RAP1GAP2: variants seen among roughly 807,000 people sequenced by gnomAD.
The protein encoded by RAP1GAP2 is RAP1 GTPase activating protein 2, also known as rap1 GTPase-activating protein 2.
Under a neutral mutation model 95.0 loss-of-function variants are expected in RAP1GAP2, and 27 were observed. That is an observed-to-expected ratio of 0.28 (90% confidence interval 0.21 to 0.39). The LOEUF is 0.39. Ranked by LOEUF, RAP1GAP2 falls within the 10% of genes least tolerant of loss-of-function variation. The probability of loss-of-function intolerance (pLI) is 1.00; values close to 1 mark genes in which losing one functional copy is unlikely to be tolerated. For missense variants in RAP1GAP2, 771 were observed against 970.0 expected (o/e 0.79, Z 2.72); for synonymous variants, 373 against 380.9 (o/e 0.98, Z 0.24).
Position 3,035,118 on chromosome 17 carries a change from T to A in RAP1GAP2, c.*1757T>A, listed in dbSNP as rs66460547. 1 of 152,422 alleles carries A rather than the reference T, an allele frequency of 6.6e-6. No individual in the cohort carries two copies. The highest frequency in any genetic ancestry group is 1.5e-5 in the Non-Finnish European group (1 of 68,010). 9.4% of individuals were successfully genotyped at this position (152,422 alleles called of 1,614,324 possible). A position where few individuals can be genotyped will look rare whatever the true frequency, so the allele number is the denominator to read the frequency against. On this transcript the variant is annotated 3_prime_UTR_variant, in exon 25 of 25. Transcript: ENST00000254695. The surrounding 1 kb of genome is among the most constrained non-coding windows in gnomAD (Gnocchi z 4.3). Reference sequence around the variant, plus strand: ...GCAAGCTGGAGAGGAGCTCTCCCTTTGCTAGTACTTTCTCTAAAGTACTAG... The same window carrying A: ...GCAAGCTGGAGAGGAGCTCTCCCTTAGCTAGTACTTTCTCTAAAGTACTAG...
intron 1 of RAP1GAP2, among the ~76,000 whole-genome samples, chr17:2,766,404 C>CA (rs1007468860): frequency 9.1e-4 from 138 of 152,170 alleles, no homozygotes; most frequent in African/African-American, 3.2e-3. Flanking sequence ...TTTGGGAGGC[C>CA]AGGTGGGCGA....
At chr17:2,898,453 T>C (rs1322475326) in intron 2 of RAP1GAP2, among the ~76,000 whole-genome samples, 1 of 152,196 alleles carries the variant, frequency 6.6e-6, no homozygotes, top group African/African-American at 2.4e-5. Flanking sequence ...GCTCATGCCC[T>C]TTCTCCCTTC....
At chr17:2,844,347 G>C (rs904108918) in intron 2 of RAP1GAP2, among the ~76,000 whole-genome samples, 3 of 152,150 alleles carry the variant, frequency 2.0e-5, no homozygotes, top group Non-Finnish European at 4.4e-5. Context: ...AAGCTGCTTT[G>C]GGACTTGGAG....
intron 2 of RAP1GAP2, among the ~76,000 whole-genome samples, chr17:2,849,283 C>T (rs1361788928): frequency 6.6e-6 from 1 of 152,134 alleles, no homozygotes; most frequent in Non-Finnish European, 1.5e-5. Flanking sequence ...TCGCCCCCAC[C>T]CACCCCCAAT....
At chr17:2,999,182 C>T (rs921704925) in intron 14 of RAP1GAP2, among the ~76,000 whole-genome samples, 9 of 152,272 alleles carry the variant, frequency 5.9e-5, no homozygotes, top group Admixed American at 1.3e-4. Context: ...TGCAGTCCCC[C>T]GCTCCCCACT....
intron 17 of RAP1GAP2, among the ~76,000 whole-genome samples, chr17:3,016,167 C>T (rs73298992): frequency 0.1 from 15,386 of 152,288 alleles, 877 homozygotes; most frequent in Middle Eastern, 0.15. Context: ...AGGCTTGGCC[C>T]CTCGTGGCCC....
chr17:2,764,004 C>T (rs940792780), intron 1 of RAP1GAP2, among the ~76,000 whole-genome samples: 5 of 151,880 alleles, frequency 3.3e-5, no homozygotes, highest in East Asian at 1.9e-4. Flanking sequence ...CTGGGTCTCA[C>T]GTCCTCATCT....
rs141786552 is a variant in RAP1GAP2 at position 2,929,189 on chromosome 17, C to T, written c.165+23821C>T. Among the ~76,000 whole-genome samples, 61 of 152,274 alleles carry T rather than the reference C, an allele frequency of 4.0e-4. No individual in the cohort carries two copies. In the East Asian group the frequency reaches 8.9e-3, roughly 22 times the overall value. ...TTGAGGCTGCAGTGAACCATGATCG[C>T]GCCACTGTACTCCAGCCTGGGCGAC... On this transcript the variant is annotated intron_variant, in intron 3 of 24. Transcript: ENST00000254695.
At chr17:2,821,398 C>G in intron 2 of RAP1GAP2, among the ~76,000 whole-genome samples, 1 of 122,948 alleles carries the variant, frequency 8.1e-6, no homozygotes. Flanking sequence ...TTTTTTGAGA[C>G]GGAGTCTCGC....
At chr17:2,909,161 G>T (rs2042290468) in intron 3 of RAP1GAP2, among the ~76,000 whole-genome samples, 1 of 152,156 alleles carries the variant, frequency 6.6e-6, no homozygotes, top group Non-Finnish European at 1.5e-5. Flanking sequence ...AGGAAGAGAG[G>T]TTCCTGAGGC....
chr17:2,880,279 G>C (rs2073237866), intron 2 of RAP1GAP2, among the ~76,000 whole-genome samples: 1 of 151,196 alleles, frequency 6.6e-6, no homozygotes, highest in South Asian at 2.1e-4. Context: ...GAACCCACAG[G>C]CTGTGTAGAC....
rs367637173 is a variant in RAP1GAP2 at position 2,844,559 on chromosome 17, GT to G, written c.80+44012del. Among the ~76,000 whole-genome samples, 386 of 152,336 alleles carry G rather than the reference GT, an allele frequency of 2.5e-3. 1 individual carries two copies. The highest frequency in any genetic ancestry group is 8.9e-3 in the African/African-American group (372 of 41,578). On this transcript the variant is annotated intron_variant, in intron 2 of 24. Transcript: ENST00000254695. The stretch of plus-strand genomic sequence containing the variant: ...CAGACCTGCAGTTGCTCAGCAGGAG[GT>G]TTGGAGCTCAGCTCCCGGCTGGGTG...
chr17:2,797,066 C>T lies in RAP1GAP2; in HGVS notation c.44+495C>T, dbSNP rs986083774. On this transcript the variant is annotated intron_variant, in intron 1 of 24. Coordinates refer to ENST00000254695, the MANE Select transcript of RAP1GAP2 (RefSeq NM_015085.5). This position sits in a 1 kb window ranked among gnomAD's most constrained non-coding sequence, Gnocchi z 5.6. ...CTGTGTCTGTGTGTGCTTGTGTCTG[C>T]GTGTTTGTGTGTGTGATGCTCCTGT... 4.0e-5 allele frequency among the ~76,000 whole-genome samples: 6 copies of T among 151,866 alleles called. No individual in the cohort carries two copies. Among genetic ancestry groups the T allele is most frequent in the South Asian group, 2.1e-4 (1 of 4,812 alleles).
rs1382552351 is a variant in RAP1GAP2 at position 2,866,430 on chromosome 17, A to C, written c.81-38854A>C. Reference sequence around the variant, plus strand: ...TCAGGGCAGTTGGTACCCCAGTTAGAATACAAAAACAGAGTCAGTCAGTGT... The same window carrying C: ...TCAGGGCAGTTGGTACCCCAGTTAGCATACAAAAACAGAGTCAGTCAGTGT... On this transcript the variant is annotated intron_variant, in intron 2 of 24. Transcript: ENST00000254695. This position sits in a 1 kb window ranked among gnomAD's most constrained non-coding sequence, Gnocchi z 4.0. Among the ~76,000 whole-genome samples the C allele has an allele frequency of 1.3e-5, 2 of 152,166 alleles. No individual in the cohort carries two copies. The highest frequency in any genetic ancestry group is 2.9e-5 in the Non-Finnish European group (2 of 68,032).
rs139487909 is a variant in RAP1GAP2, at chr17:2,963,168, G to C, written c.247-262G>C. ...CGGAATGAGCGTTCTAGGATGAGAA[G>C]CTGGTATCACGAGGGGTGAGAAGTT... On this transcript the variant is annotated intron_variant, in intron 5 of 24. Transcript: ENST00000254695. The surrounding 1 kb of genome is among the most constrained non-coding windows in gnomAD (Gnocchi z 4.8). The C allele has an allele frequency of 1.4e-3, 779 of 568,542 alleles. 2 individuals carry two copies. Among genetic ancestry groups the C allele is most frequent in the African/African-American group, 0.013 (673 of 52,694 alleles). 35.2% of individuals were successfully genotyped at this position (568,542 alleles called of 1,614,324 possible).
At chr17:2,838,093 A>C (rs2071221397) in intron 2 of RAP1GAP2, among the ~76,000 whole-genome samples, 1 of 128,604 alleles carries the variant, frequency 7.8e-6, no homozygotes, top group African/African-American at 3.1e-5. Context: ...ATCTCGGCTC[A>C]CTGCAACCTC....
Position 2,852,596 on chromosome 17 carries a change from AAAC to A in RAP1GAP2, c.80+52049_80+52051del, listed in dbSNP as rs1017040417. Among the ~76,000 whole-genome samples the A allele has an allele frequency of 9.9e-5, 15 of 151,868 alleles. No individual in the cohort carries two copies. In the East Asian group the frequency reaches 2.9e-3, roughly 29 times the overall value. ...CTTGAACACCAGACTATTAAAAACA[AAAC>A]AAAAAACAAAACAACAACAAAAAAC... On this transcript the variant is annotated intron_variant, in intron 2 of 24. Coordinates refer to ENST00000254695, the MANE Select transcript of RAP1GAP2 (RefSeq NM_015085.5).
chr17:2,839,395 G>A (rs1411712176), intron 2 of RAP1GAP2, among the ~76,000 whole-genome samples: 3 of 152,018 alleles, frequency 2.0e-5, no homozygotes, highest in Non-Finnish European at 4.4e-5. Flanking sequence ...CTATAATCCA[G>A]TTCCCTACAA....
intron 1 of RAP1GAP2, among the ~76,000 whole-genome samples, chr17:2,759,739 C>T (rs1001876095): frequency 2.0e-5 from 3 of 152,208 alleles, no homozygotes; most frequent in East Asian, 1.9e-4. Context: ...GCATGAGCCA[C>T]CGCGCCCGGC....
Sources: allele counts gnomAD v4.1 joint callset (sites outside exome capture counted in the v4.1 genomes callset), GRCh38; gene constraint gnomAD v4.1.1; non-coding constraint Gnocchi (gnomAD v3.1); transcripts MANE v1.5; gene names NCBI Gene and HGNC (gene_info 2026-07-23, HGNC 2026-07-21).